Variants in DCC observed in about 807,000 individuals in gnomAD.
DCC encodes the protein netrin receptor DCC.
In DCC, 58 loss-of-function variants were observed where a neutral mutation model predicts 172.5. The ratio of observed to expected loss-of-function variants is 0.34; its 90% CI spans 0.27 to 0.42. The LOEUF is 0.42. DCC is among the 10% of genes least tolerant of loss of function. The pLI is 1.00. For synonymous variants in DCC, 709 were observed against 644.5 expected, an observed-to-expected ratio of 1.10 and a Z score of -1.52; for missense variants, 1,740 against 1,791.0, an observed-to-expected ratio of 0.97 and a Z score of 0.51.
At chr18:53,008,042 C>A (rs9944713) in intron 5 of DCC, among the ~76,000 whole-genome samples, 109,879 of 151,994 alleles carry the variant, frequency 0.72, 39,860 homozygotes, top group East Asian at 0.74. Flanking sequence ...AAGATTGAAA[C>A]TATGAAGCAA....
intron 15 of DCC, among the ~76,000 whole-genome samples, chr18:53,363,256 T>G (rs2057967485): frequency 6.6e-6 from 1 of 152,178 alleles, no homozygotes; most frequent in Admixed American, 6.6e-5. Context: ...GTGGAGCCAA[T>G]TCTGCTGAAA....
chr18:53,243,042 C>G (rs962947606), intron 12 of DCC, among the ~76,000 whole-genome samples: 3 of 152,078 alleles, frequency 2.0e-5, no homozygotes, highest in Non-Finnish European at 4.4e-5. Context: ...CAAGAAGGAA[C>G]ATTTTTAACA....
intron 9 of DCC, among the ~76,000 whole-genome samples, chr18:53,199,677 C>T (rs763348349): frequency 6.6e-6 from 1 of 151,732 alleles, no homozygotes; most frequent in African/African-American, 2.4e-5. Flanking sequence ...GAATTTCTGG[C>T]ATTTTTGTGA....
chr18:52,450,105 C>G (rs749153126), intron 1 of DCC, among the ~76,000 whole-genome samples: 2 of 152,158 alleles, frequency 1.3e-5, no homozygotes, highest in African/African-American at 4.8e-5. Flanking sequence ...AAGCCTGTCT[C>G]AAACCGAGAC....
intron 1 of DCC, among the ~76,000 whole-genome samples, chr18:52,514,365 A>G (rs1418325347): frequency 6.6e-6 from 1 of 152,072 alleles, no homozygotes; most frequent in African/African-American, 2.4e-5. Context: ...CTGTGAGGTG[A>G]TGTCTTGTGC....
intron 1 of DCC, among the ~76,000 whole-genome samples, chr18:52,483,373 GA>G (rs2030051755): frequency 6.6e-6 from 1 of 152,018 alleles, no homozygotes; most frequent in Non-Finnish European, 1.5e-5. Flanking sequence ...ATACTTCAGA[GA>G]AAGTAGAACA....
chr18:52,887,803 C>G (rs2039590422), intron 2 of DCC, among the ~76,000 whole-genome samples: 2 of 152,048 alleles, frequency 1.3e-5, no homozygotes, highest in South Asian at 4.1e-4. Flanking sequence ...TTTTTTAAAT[C>G]CAATTTTTCT....
At chr18:52,600,322 T>C (rs1144097) in intron 1 of DCC, among the ~76,000 whole-genome samples, 59,302 of 152,040 alleles carry the variant, frequency 0.39, 11,674 homozygotes, top group African/African-American at 0.42. Context: ...TGCATGTACA[T>C]GTGAACCTGA....
At chr18:52,509,192 T>C (rs1161105325) in intron 1 of DCC, among the ~76,000 whole-genome samples, 1 of 152,224 alleles carries the variant, frequency 6.6e-6, no homozygotes, top group Non-Finnish European at 1.5e-5. Flanking sequence ...TGTAAAAATA[T>C]AGTAATACGA....
chr18:53,194,617 G>A (rs147725024), intron 9 of DCC, among the ~76,000 whole-genome samples: 6,126 of 152,116 alleles, frequency 0.04, 383 homozygotes, highest in African/African-American at 0.14. Flanking sequence ...TTACAGGCAC[G>A]TGCCACTGCA....
intron 1 of DCC, among the ~76,000 whole-genome samples, chr18:52,439,979 C>A (rs1388664393): frequency 6.6e-6 from 1 of 152,152 alleles, no homozygotes; most frequent in Non-Finnish European, 1.5e-5. Context: ...GGAAGGAAGG[C>A]ACAACATGCA....
At chr18:52,755,125 AG>A (rs2037058355) in intron 2 of DCC, among the ~76,000 whole-genome samples, 2 of 152,238 alleles carry the variant, frequency 1.3e-5, no homozygotes, top group Non-Finnish European at 2.9e-5. Context: ...TGAAGTGGAA[AG>A]GGGACAATTT....
chr18:52,643,333 C>A (rs76533252), intron 1 of DCC, among the ~76,000 whole-genome samples: 10,090 of 152,166 alleles, frequency 0.066, 442 homozygotes, highest in Middle Eastern at 0.12. Context: ...AGGAAATTTT[C>A]ATGGTTAAGT....
intron 1 of DCC, among the ~76,000 whole-genome samples, chr18:52,486,825 T>C (rs2030248696): frequency 6.6e-6 from 1 of 152,136 alleles, no homozygotes; most frequent in African/African-American, 2.4e-5. Flanking sequence ...TTAAAATCAG[T>C]GGCAGCTACA....
At chr18:53,499,246 A>G (rs867267252) in intron 26 of DCC, 52 bp from the exon 27 acceptor site, 1 of 1,592,946 alleles carries the variant, frequency 6.3e-7, no homozygotes. Context: ...TGACTTAAGG[A>G]AAACAGACTT....
At chr18:52,503,578 G>A (rs2031113658) in intron 1 of DCC, among the ~76,000 whole-genome samples, 1 of 152,184 alleles carries the variant, frequency 6.6e-6, no homozygotes, top group Admixed American at 6.5e-5. Context: ...TAGTTCTGGT[G>A]ACAGAATTCT....
chr18:52,404,045 G>C (rs1986542005), intron 1 of DCC, among the ~76,000 whole-genome samples: 1 of 152,004 alleles, frequency 6.6e-6, no homozygotes, highest in Non-Finnish European at 1.5e-5. Flanking sequence ...TATTCCAACA[G>C]GGCATGTCTT....
At chr18:52,527,106 C>G (rs535077616) in intron 1 of DCC, among the ~76,000 whole-genome samples, 1 of 152,292 alleles carries the variant, frequency 6.6e-6, no homozygotes, top group Non-Finnish European at 1.5e-5. Context: ...TGGGTTCCAT[C>G]TATCTGGATT....
chr18:53,232,504 C>T (rs557979219), intron 12 of DCC, among the ~76,000 whole-genome samples: 4 of 152,272 alleles, frequency 2.6e-5, no homozygotes, highest in Admixed American at 6.5e-5. Flanking sequence ...CTTTCATTCT[C>T]TTCATGCCAG....
Sources: allele counts gnomAD v4.1 joint callset (sites outside exome capture counted in the v4.1 genomes callset), GRCh38; gene constraint gnomAD v4.1.1; transcripts MANE v1.5; gene names NCBI Gene and HGNC (gene_info 2026-07-23, HGNC 2026-07-21).